DRAM1: variants seen among roughly 807,000 people sequenced by gnomAD.
DRAM1 encodes DNA damage regulated autophagy modulator 1, also known as DNA damage-regulated autophagy modulator protein 1.
A neutral mutation model predicts 28.5 loss-of-function variants in DRAM1; 25 were observed. The ratio of observed to expected loss-of-function variants is 0.88; its 90% CI spans 0.64 to 1.23. DRAM1 has a LOEUF of 1.23. Ranked by LOEUF, DRAM1 falls within the 50% of genes most tolerant of loss-of-function variation. The pLI is 0.00. For missense variants in DRAM1, 249 were observed against 299.2 expected (o/e 0.83, Z 1.24); for synonymous variants, 113 against 114.2 (o/e 0.99, Z 0.07).
rs1873301395 is a variant in DRAM1, at chr12:101,895,186, G to GTTTTTTTTTTTTTTGTTTTTT, written c.132-2663_132-2662insGTTTTTTTTTTTTTTTTTTTT. The stretch of plus-strand genomic sequence containing the variant: ...TAATGCTAAATTCGAAACCCTTCAG[G>GTTTTTTTTTTTTTTGTTTTTT]TTTTTTTTTTTTTTTTTTTTTTTTT... On this transcript the variant is annotated intron_variant, in intron 1 of 6. Coordinates refer to ENST00000258534, the MANE Select transcript of DRAM1 (RefSeq NM_018370.3). Among the ~76,000 whole-genome samples the GTTTTTTTTTTTTTTGTTTTTT allele has an allele frequency of 9.3e-3, 701 of 75,718 alleles. 29 individuals carry two copies. The highest frequency in any genetic ancestry group is 0.014 in the Non-Finnish European group (605 of 42,856). 49.7% of individuals were successfully genotyped at this position (75,718 alleles called of 152,430 possible).
intron 5 of DRAM1, among the ~76,000 whole-genome samples, chr12:101,916,196 T>G (rs1874237017): frequency 6.6e-6 from 1 of 152,216 alleles, no homozygotes; most frequent in African/African-American, 2.4e-5. Flanking sequence ...ATTCTGAGGA[T>G]ATGATGAGAT....
intron 2 of DRAM1, among the ~76,000 whole-genome samples, chr12:101,899,831 A>G (rs896869521): frequency 6.6e-6 from 1 of 152,134 alleles, no homozygotes; most frequent in South Asian, 2.1e-4. Flanking sequence ...TTTCACAAGG[A>G]TGTATTATCA....
At position 101,883,547 on chromosome 12, in the gene DRAM1, T is replaced by C. The variant is rs567554706; in HGVS notation, c.131+5627T>C. On this transcript the variant is annotated intron_variant, in intron 1 of 6. Coordinates refer to ENST00000258534, the MANE Select transcript of DRAM1 (RefSeq NM_018370.3). ...GCCAGGGTGGTCTCGATCTCCTGAC[T>C]TCATGATCCGCCCACCTCGGCCTCC... 6.2e-3 allele frequency among the ~76,000 whole-genome samples: 934 copies of C among 151,338 alleles called. 10 individuals carry two copies. Among genetic ancestry groups the C allele is most frequent in the African/African-American group, 0.021 (880 of 41,480 alleles).
chr12:101,885,849 T>C (rs1045753069), intron 1 of DRAM1, among the ~76,000 whole-genome samples: 1 of 152,134 alleles, frequency 6.6e-6, no homozygotes, highest in Non-Finnish European at 1.5e-5. Flanking sequence ...ATTCTTAATC[T>C]ATATGTAAGG....
chr12:101,889,115 A>T (rs551153786), intron 1 of DRAM1, among the ~76,000 whole-genome samples: 5 of 152,080 alleles, frequency 3.3e-5, no homozygotes, highest in South Asian at 2.1e-4. Flanking sequence ...AATCTCAATT[A>T]AAAAAAAGTT....
chr12:101,910,887 T>C (rs78231972), intron 4 of DRAM1, among the ~76,000 whole-genome samples: 14,314 of 152,200 alleles, frequency 0.094, 1,340 homozygotes, highest in East Asian at 0.24. Context: ...CACGAAAAGA[T>C]CTTCTGTCTT....
rs549441632 is a variant in DRAM1, at chr12:101,913,024, G to A, written c.521-1150G>A. Among the ~76,000 whole-genome samples the A allele has an allele frequency of 3.9e-5, 6 of 152,154 alleles. No individual in the cohort carries two copies. In the East Asian group the frequency reaches 5.8e-4, roughly 15 times the overall value. On this transcript the variant is annotated intron_variant, in intron 4 of 6. Coordinates refer to ENST00000258534, the MANE Select transcript of DRAM1 (RefSeq NM_018370.3). The stretch of plus-strand genomic sequence containing the variant: ...ATTACAGGTGTGAGCCACTGCGCCC[G>A]GCCTAACATTTTGAATTTCTAATAT...
chr12:101,887,012 G>A (rs780659394), intron 1 of DRAM1, among the ~76,000 whole-genome samples: 10 of 152,022 alleles, frequency 6.6e-5, no homozygotes, highest in Non-Finnish European at 1.0e-4. Context: ...GGGCATGGTG[G>A]CACACACTTG....
At chr12:101,908,488 G>A (rs980464630) in intron 4 of DRAM1, 125 bp downstream of exon 4, 3 of 977,474 alleles carry the variant, frequency 3.1e-6, no homozygotes, top group Non-Finnish European at 4.5e-6. Flanking sequence ...CGGAGAGATT[G>A]GGCTCAACTC....
intron 5 of DRAM1, among the ~76,000 whole-genome samples, chr12:101,919,020 C>A (rs929734529): frequency 6.6e-6 from 1 of 152,020 alleles, no homozygotes; most frequent in East Asian, 1.9e-4. Flanking sequence ...CCCCCAGGCT[C>A]AAGTGATCCT....
At chr12:101,903,353 TTTC>T (rs1332622980) in intron 3 of DRAM1, among the ~76,000 whole-genome samples, 8 of 152,234 alleles carry the variant, frequency 5.3e-5, no homozygotes, top group Admixed American at 6.5e-5. Flanking sequence ...CTCAGAAAGT[TTTC>T]TTTTTGAAAT....
chr12:101,888,786 A>ATTTTTTTTT (rs34825466), intron 1 of DRAM1, among the ~76,000 whole-genome samples: 1 of 107,940 alleles, frequency 9.3e-6, no homozygotes, highest in Non-Finnish European at 1.8e-5. Flanking sequence ...AAACATCTCA[A>ATTTTTTTTT]TTTTTTTTTT....
chr12:101,914,985 T>A (rs1594312237), intron 5 of DRAM1, among the ~76,000 whole-genome samples: 3 of 1,162 alleles, frequency 2.6e-3, no homozygotes, highest in African/African-American at 2.7e-3. Flanking sequence ...TCTTTCTTTC[T>A]TTTTTTTTTT....
At chr12:101,892,594 A>G (rs912468171) in intron 1 of DRAM1, among the ~76,000 whole-genome samples, 1 of 151,944 alleles carries the variant, frequency 6.6e-6, no homozygotes, top group Non-Finnish European at 1.5e-5. Flanking sequence ...GGCAAACACT[A>G]TTGTTCTTAA....
intron 1 of DRAM1, among the ~76,000 whole-genome samples, chr12:101,887,532 C>CTT (rs574383974): frequency 9.0e-5 from 13 of 143,822 alleles, no homozygotes; most frequent in South Asian, 4.4e-4. Context: ...AGACTTTTTT[C>CTT]TTTTTCTTTT....
intron 3 of DRAM1, among the ~76,000 whole-genome samples, chr12:101,902,836 C>T (rs1000982685): frequency 1.3e-5 from 2 of 152,064 alleles, no homozygotes; most frequent in African/African-American, 4.8e-5. Flanking sequence ...AATTCATTTT[C>T]GTCATATCAG....
rs1211815337 is a variant in DRAM1 at position 101,922,418 on chromosome 12, C to T, written c.*1158C>T. The T allele has an allele frequency of 2.0e-5, 3 of 152,290 alleles. No homozygotes were observed. The highest frequency in any genetic ancestry group is 6.5e-5 in the Admixed American group (1 of 15,282). The allele number at this position is 152,290 out of a possible 1,614,324, so 9.4% of individuals were successfully genotyped here. A position where few individuals can be genotyped will look rare whatever the true frequency, so the allele number is the denominator to read the frequency against. On this transcript the variant is annotated 3_prime_UTR_variant, in exon 7 of 7. Transcript: ENST00000258534. ...GAATTCTCTCTTTCAAATCCTAGAG[C>T]ATAAACCCATGTGTGGCCAAGTGAG...
intron 5 of DRAM1, among the ~76,000 whole-genome samples, chr12:101,919,660 G>T (rs1164650062): frequency 6.6e-6 from 1 of 152,186 alleles, no homozygotes; most frequent in African/African-American, 2.4e-5. Context: ...TAGGGGACTA[G>T]TTGGCCAAGT....
At chr12:101,904,510 C>T (rs142125591) in intron 3 of DRAM1, among the ~76,000 whole-genome samples, 1,490 of 128,940 alleles carry the variant, frequency 0.012, 20 homozygotes, top group Non-Finnish European at 0.016. Context: ...GGCGCAATCT[C>T]GGCTCACTAC....
Sources: allele counts gnomAD v4.1 joint callset (sites outside exome capture counted in the v4.1 genomes callset), GRCh38; gene constraint gnomAD v4.1.1; transcripts MANE v1.5; gene names NCBI Gene and HGNC (gene_info 2026-07-23, HGNC 2026-07-21).